SERPINB7: variants seen among roughly 807,000 people sequenced by gnomAD.
The protein encoded by SERPINB7 is serpin family B member 7.
In SERPINB7, 31 loss-of-function variants were observed where a neutral mutation model predicts 37.4. That is an observed-to-expected ratio of 0.83 (90% CI 0.62 to 1.12). The LOEUF is 1.12. Among genes scored for constraint, SERPINB7 ranks in the 50% most tolerant of loss-of-function variants. The pLI, the probability that SERPINB7 is intolerant of heterozygous loss-of-function variation, is 0.00. For synonymous variants in SERPINB7, 163 were observed against 166.1 expected, an observed-to-expected ratio of 0.98 and a Z score of 0.14; for missense variants, 521 against 455.3, an observed-to-expected ratio of 1.14 and a Z score of -1.31.
At chr18:63,779,622 T>C (rs2049282325) in intron 1 of SERPINB7, among the ~76,000 whole-genome samples, 2 of 151,968 alleles carry the variant, frequency 1.3e-5, no homozygotes, top group South Asian at 4.2e-4. Flanking sequence ...GGCTCATGTT[T>C]CTCTGTCGTG....
At chr18:63,787,115 A>G (rs1401865913) in intron 2 of SERPINB7, among the ~76,000 whole-genome samples, 1 of 152,190 alleles carries the variant, frequency 6.6e-6, no homozygotes, top group African/African-American at 2.4e-5. Flanking sequence ...TCTTTTTATT[A>G]ATGAAACAAA....
chr18:63,769,825 A>T lies in SERPINB7; in HGVS notation c.-18-12530A>T, dbSNP rs564339435. On this transcript the variant is annotated intron_variant, in intron 1 of 7. Transcript: ENST00000336429. ...ACTCAGGACTTCATATACAAATTTA[A>T]ATCATTCTTTTCTCCATCTCTCACT... 1.8e-3 allele frequency among the ~76,000 whole-genome samples: 279 copies of T among 151,976 alleles called. 1 individual carries two copies. Among genetic ancestry groups the T allele is most frequent in the African/African-American group, 6.5e-3 (270 of 41,472 alleles).
At chr18:63,796,245 G>T in intron 4 of SERPINB7, 21 bp from the exon 5 acceptor site, 1 of 1,355,144 alleles carries the variant, frequency 7.4e-7, no homozygotes, top group South Asian at 1.2e-5. Context: ...GTAAATACGA[G>T]AACTATATTC....
At chr18:63,765,746 C>T (rs1419093956) in intron 1 of SERPINB7, among the ~76,000 whole-genome samples, 1 of 152,108 alleles carries the variant, frequency 6.6e-6, no homozygotes, top group Non-Finnish European at 1.5e-5. Context: ...CCTCGATTGA[C>T]ATTACAATCT....
chr18:63,775,773 T>G (rs2049241333), intron 1 of SERPINB7, 57 bp downstream of exon 1: 1 of 152,142 alleles, frequency 6.6e-6, no homozygotes, highest in South Asian at 2.1e-4. Context: ...TGCTCTTATC[T>G]TCTGTTGTAG....
intron 1 of SERPINB7, among the ~76,000 whole-genome samples, chr18:63,763,131 G>T (rs1273217210): frequency 6.6e-6 from 1 of 152,066 alleles, no homozygotes; most frequent in Non-Finnish European, 1.5e-5. Flanking sequence ...ACTGAGATTG[G>T]GCACCATTGC....
Position 63,793,864 on chromosome 18 carries a change from G to A in SERPINB7, c.336+587G>A, listed in dbSNP as rs542593989. Among the ~76,000 whole-genome samples, 6 of 152,146 alleles carry A rather than the reference G, an allele frequency of 3.9e-5. No homozygotes were observed. In the East Asian group the frequency reaches 1.2e-3, roughly 29 times the overall value. ...TTTTTAAGGACATAGACAAGTCTTA[G>A]AAGGAGATCAACATGACATACTAGT... On this transcript the variant is annotated intron_variant, in intron 4 of 7. Transcript: ENST00000398019.
intron 7 of SERPINB7, among the ~76,000 whole-genome samples, chr18:63,803,003 G>T (rs1015598008): frequency 1.3e-5 from 2 of 152,056 alleles, no homozygotes; most frequent in Admixed American, 6.6e-5. Flanking sequence ...TCAGATTTTA[G>T]CATACAGCAA....
intron 1 of SERPINB7, among the ~76,000 whole-genome samples, chr18:63,778,866 A>G (rs1182930250): frequency 6.6e-6 from 1 of 152,204 alleles, no homozygotes; most frequent in East Asian, 1.9e-4. Flanking sequence ...AAAAACATCC[A>G]TGAGTACGTG....
chr18:63,804,201 A>G lies in SERPINB7; in HGVS notation c.745-36A>G, dbSNP rs759506927. 11 of 1,426,992 alleles carry G rather than the reference A, an allele frequency of 7.7e-6. No individual in the cohort carries two copies. In the East Asian group the frequency reaches 1.4e-4, roughly 18 times the overall value. The allele number at this position is 1,426,992 out of a possible 1,614,324, so 88.4% of individuals were successfully genotyped here. A position where few individuals can be genotyped will look rare whatever the true frequency, so the allele number is the denominator to read the frequency against. On this transcript the variant is annotated intron_variant, in intron 7 of 7. Coordinates refer to ENST00000398019, the MANE Select transcript of SERPINB7 (RefSeq NM_003784.4). ...CTATTGTTTTATCTATCACTTGACC[A>G]TATGATTCTAAATTATCTCTGAATT...
intron 1 of SERPINB7, among the ~76,000 whole-genome samples, chr18:63,780,359 A>C (rs1396493556): frequency 1.3e-5 from 2 of 152,158 alleles, no homozygotes; most frequent in African/African-American, 4.8e-5. Flanking sequence ...TAAACTTGTT[A>C]ATTTTGATCT....
rs116490063 is a variant in SERPINB7, at chr18:63,801,505, G to A, written c.744+493G>A. ...AGGGCACAGCATTGTAGTAAAGAGA[G>A]TTTAATTGATGCAAGGCCGACCATG... On this transcript the variant is annotated intron_variant, in intron 7 of 7. Transcript: ENST00000398019. Among the ~76,000 whole-genome samples, 916 of 152,318 alleles carry A rather than the reference G, an allele frequency of 6.0e-3. 11 individuals carry two copies. The highest frequency in any genetic ancestry group is 0.021 in the African/African-American group (890 of 41,572).
chr18:63,758,025 C>G (rs1310239504), intron 1 of SERPINB7, among the ~76,000 whole-genome samples: 1 of 152,128 alleles, frequency 6.6e-6, no homozygotes, highest in East Asian at 1.9e-4. Context: ...TATCACATTG[C>G]CACATTCTCA....
chr18:63,782,096 TG>T (rs1173936384), intron 1 of SERPINB7, among the ~76,000 whole-genome samples: 1 of 152,112 alleles, frequency 6.6e-6, no homozygotes, highest in African/African-American at 2.4e-5. Flanking sequence ...TGAATGTGTC[TG>T]CTTGGGGGTT....
chr18:63,777,448 A>C (rs895735354), intron 1 of SERPINB7, among the ~76,000 whole-genome samples: 76 of 152,096 alleles, frequency 5.0e-4, no homozygotes, highest in African/African-American at 1.8e-3. Flanking sequence ...AATAACAAAA[A>C]TCAGTAACTA....
At chr18:63,789,951 G>T (rs1599012323) in intron 2 of SERPINB7, among the ~76,000 whole-genome samples, 1 of 152,156 alleles carries the variant, frequency 6.6e-6, no homozygotes, top group Non-Finnish European at 1.5e-5. Flanking sequence ...AACCAGAATT[G>T]TTCAAGGGTC....
chr18:63,796,384 G>A lies in SERPINB7; in HGVS notation c.454+1G>A. ...AAGTGGGTTGAAAATGAAACACATGGTGAGTATTGAAATACCCTATTTTTC... is the reference window on the plus strand; with the variant it reads ...AAGTGGGTTGAAAATGAAACACATGATGAGTATTGAAATACCCTATTTTTC... On this transcript the variant is annotated splice_donor_variant, in intron 5 of 7. Coordinates refer to ENST00000398019, the MANE Select transcript of SERPINB7 (RefSeq NM_003784.4). LOFTEE classifies it high-confidence loss of function. 5 of 1,492,714 alleles carry A rather than the reference G, an allele frequency of 3.3e-6. No individual in the cohort carries two copies. Among genetic ancestry groups the A allele is most frequent in the Non-Finnish European group, 4.7e-6 (5 of 1,070,318 alleles). 92.5% of individuals were successfully genotyped at this position (1,492,714 alleles called of 1,614,324 possible).
chr18:63,778,350 T>C (rs367918434), intron 1 of SERPINB7, among the ~76,000 whole-genome samples: 20 of 152,166 alleles, frequency 1.3e-4, no homozygotes, highest in African/African-American at 4.6e-4. Context: ...TATAGCATCG[T>C]ATTTGACTTA....
At chr18:63,799,643 G>GC (rs1568214835) in intron 6 of SERPINB7, among the ~76,000 whole-genome samples, 1 of 152,070 alleles carries the variant, frequency 6.6e-6, no homozygotes, top group African/African-American at 2.4e-5. Flanking sequence ...TTCTTTCCCT[G>GC]CCCCAGTGAG....
Sources: allele counts gnomAD v4.1 joint callset (sites outside exome capture counted in the v4.1 genomes callset), GRCh38; gene constraint gnomAD v4.1.1; transcripts MANE v1.5; gene names NCBI Gene and HGNC (gene_info 2026-07-23, HGNC 2026-07-21).